CAPS2: variants seen among roughly 807,000 people sequenced by gnomAD.
CAPS2 encodes calcyphosine 2, also known as calcyphosin-2.
CAPS2 carries 98 observed loss-of-function variants against 86.5 expected under a neutral mutation model. That is an observed-to-expected ratio of 1.13 (90% CI 0.96 to 1.34). The LOEUF is 1.34. Among genes scored for constraint, CAPS2 ranks in the 40% most tolerant of loss-of-function variants. CAPS2 has a pLI of 0.00. For synonymous variants in CAPS2, 210 were observed against 225.1 expected, an observed-to-expected ratio of 0.93 and a Z score of 0.60; for missense variants, 729 against 686.8, an observed-to-expected ratio of 1.06 and a Z score of -0.69.
chr12:75,277,220 T>C (rs1021930421), exon 17 of CAPS2: 1 of 977,778 alleles, frequency 1.0e-6, no homozygotes, highest in Non-Finnish European at 1.2e-6. Flanking sequence ...CTTTTTTTTT[T>C]TTTTTACAGT....
intron 1 of CAPS2, among the ~76,000 whole-genome samples, chr12:75,357,586 T>C (rs1050170133): frequency 6.6e-6 from 1 of 152,110 alleles, no homozygotes; most frequent in Admixed American, 6.6e-5. Context: ...AAATATTTAA[T>C]AATAAAGACC....
At chr12:75,279,463 G>A (rs921263634) in intron 16 of CAPS2, among the ~76,000 whole-genome samples, 3 of 151,866 alleles carry the variant, frequency 2.0e-5, no homozygotes, top group Admixed American at 6.6e-5. Flanking sequence ...CCTCTAAAAC[G>A]TTTTAAAGTC....
chr12:75,286,546 TTTCA>T (rs1439713194), intron 14 of CAPS2, among the ~76,000 whole-genome samples: 2 of 151,814 alleles, frequency 1.3e-5, no homozygotes, highest in African/African-American at 4.8e-5. Flanking sequence ...ATACTCTTTC[TTTCA>T]AAGATACAGT....
chr12:75,346,850 T>C (rs2042484209), intron 1 of CAPS2, among the ~76,000 whole-genome samples: 1 of 152,134 alleles, frequency 6.6e-6, no homozygotes, highest in Admixed American at 6.6e-5. Flanking sequence ...GATCAGAAAT[T>C]TGTGTTGTTA....
At chr12:75,325,175 A>G in intron 2 of CAPS2, 64 bp downstream of exon 3, 1 of 1,412,382 alleles carries the variant, frequency 7.1e-7, no homozygotes. Flanking sequence ...TTGTTTTTTA[A>G]CTAGTCAATG....
chr12:75,387,403 C>T (rs2045346677), intron 1 of CAPS2, among the ~76,000 whole-genome samples: 2 of 152,140 alleles, frequency 1.3e-5, no homozygotes, highest in African/African-American at 4.8e-5. Flanking sequence ...ACACTGGCAA[C>T]ACCAAATGCT....
chr12:75,316,920 C>A (rs1380610516), intron 5 of CAPS2, among the ~76,000 whole-genome samples: 4 of 152,018 alleles, frequency 2.6e-5, no homozygotes, highest in African/African-American at 9.7e-5. Context: ...GAGATAAATA[C>A]CAAATTGTTC....
intron 9 of CAPS2, among the ~76,000 whole-genome samples, chr12:75,299,563 T>G (rs2037460176): frequency 6.6e-6 from 1 of 152,154 alleles, no homozygotes; most frequent in African/African-American, 2.4e-5. Flanking sequence ...CTAGTAGTAA[T>G]ATAACTCTAA....
At chr12:75,326,511 GT>G, upstream of CAPS2, 1 of 1,507,724 alleles carries the variant, frequency 6.6e-7, no homozygotes, top group Non-Finnish European at 9.0e-7. Context: ...GAGTTCCTGT[GT>G]TTATCATGCA....
At chr12:75,330,253 G>T (rs1280044537), upstream of CAPS2, among the ~76,000 whole-genome samples, 7 of 152,196 alleles carry the variant, frequency 4.6e-5, no homozygotes, top group Admixed American at 4.6e-4. Context: ...GCTCTCAGAA[G>T]TACTTGCTGG....
chr12:75,349,073 A>G (rs2042639054), intron 1 of CAPS2, among the ~76,000 whole-genome samples: 3 of 152,180 alleles, frequency 2.0e-5, no homozygotes, highest in Non-Finnish European at 4.4e-5. Context: ...AGAACTACAC[A>G]CAGAGAGAAC....
At chr12:75,284,913 A>C in intron 15 of CAPS2, 48 bp downstream of exon 15, 1 of 1,498,890 alleles carries the variant, frequency 6.7e-7, no homozygotes. Context: ...TACTGAACCT[A>C]ACAATCTATT....
chr12:75,305,857 C>A (rs2038412903), intron 7 of CAPS2: 1 of 755,970 alleles, frequency 1.3e-6, no homozygotes, highest in East Asian at 2.6e-5. Context: ...CCCAGGTGTT[C>A]GGGATGCACC....
At chr12:75,280,532 C>T (rs575435280) in intron 16 of CAPS2, among the ~76,000 whole-genome samples, 3 of 150,896 alleles carry the variant, frequency 2.0e-5, no homozygotes, top group Non-Finnish European at 4.4e-5. Context: ...ATTTTAGCAA[C>T]CTAAATAATA....
At chr12:75,283,346 A>G (rs575360009) in intron 15 of CAPS2, among the ~76,000 whole-genome samples, 19 of 152,324 alleles carry the variant, frequency 1.2e-4, no homozygotes, top group Non-Finnish European at 2.8e-4. Context: ...TCACAGAAAT[A>G]TGGAAGCTGT....
chr12:75,305,812 GA>G, intron 7 of CAPS2: 1 of 738,288 alleles, frequency 1.4e-6, no homozygotes, highest in Non-Finnish European at 2.5e-6. Flanking sequence ...ATTAGTGATG[GA>G]GGGGCATATT....
chr12:75,292,570 GTA>G (rs1324490617), intron 12 of CAPS2, among the ~76,000 whole-genome samples: 1 of 145,940 alleles, frequency 6.9e-6, no homozygotes, highest in Middle Eastern at 3.3e-3. Flanking sequence ...CCTCTAATGT[GTA>G]TATATATATA....
At chr12:75,318,543 T>C (rs1381569174) in intron 5 of CAPS2, among the ~76,000 whole-genome samples, 1 of 152,114 alleles carries the variant, frequency 6.6e-6, no homozygotes, top group Non-Finnish European at 1.5e-5. Flanking sequence ...TCCTCCTCAA[T>C]ATTTCTTAAA....
At chr12:75,309,655 G>C (rs1404919266) in intron 7 of CAPS2, among the ~76,000 whole-genome samples, 1 of 152,174 alleles carries the variant, frequency 6.6e-6, no homozygotes, top group East Asian at 1.9e-4. Flanking sequence ...TGAATTTATT[G>C]AGTTATTTCA....
Sources: allele counts gnomAD v4.1 joint callset (sites outside exome capture counted in the v4.1 genomes callset), GRCh38; gene constraint gnomAD v4.1.1; transcripts MANE v1.5; gene names NCBI Gene and HGNC (gene_info 2026-07-23, HGNC 2026-07-21).